The following MYPOP variants were observed in gnomAD, a reference collection of about 807,000 sequenced individuals.
MYPOP encodes myb-related transcription factor, partner of profilin.
In MYPOP, 21 loss-of-function variants were observed where a neutral mutation model predicts 25.7. The observed-to-expected ratio is 0.82, with a 90% confidence interval of 0.58 to 1.18. The LOEUF is 1.18. MYPOP is among the 50% of genes most tolerant of loss of function. The pLI is 0.00. For missense variants in MYPOP, 566 were observed against 588.3 expected, an observed-to-expected ratio of 0.96 and a Z score of 0.39; for synonymous variants, 280 against 247.9, an observed-to-expected ratio of 1.13 and a Z score of -1.22.
chr19:45,893,156 T>G (rs1967149616), intron 2 of MYPOP, among the ~76,000 whole-genome samples: 1 of 152,098 alleles, frequency 6.6e-6, no homozygotes, highest in African/African-American at 2.4e-5. Flanking sequence ...ATGCCTGTAA[T>G]CCCAGCTACT....
intron 2 of MYPOP, among the ~76,000 whole-genome samples, chr19:45,895,716 G>A (rs1967193838): frequency 6.6e-6 from 1 of 152,148 alleles, no homozygotes; most frequent in Admixed American, 6.6e-5. Flanking sequence ...TTGGGTCCCA[G>A]GCCCCAGAGT....
chr19:45,893,787 TA>T (rs917591199), intron 2 of MYPOP, among the ~76,000 whole-genome samples: 1 of 149,238 alleles, frequency 6.7e-6, no homozygotes, highest in Non-Finnish European at 1.5e-5. Context: ...TATTTTATTT[TA>T]CTTTTTTTTT....
chr19:45,900,130 C>T (rs1041956565), intron 2 of MYPOP, among the ~76,000 whole-genome samples: 2 of 152,154 alleles, frequency 1.3e-5, no homozygotes, highest in Non-Finnish European at 2.9e-5. Context: ...CCATGTTCCT[C>T]CCCTTCTCCA....
chr19:45,891,131 G>C lies in MYPOP; in HGVS notation c.692C>G (p.Pro231Arg). ...PPPAPPLPPP[P>R]PLAQVAPSPP... ...TGAGGGTGCCACTTGGGCCAGTGGC[G>C]GTGGGGGTGGCAGTGGAGGGGCTGG... is the stretch of plus-strand genomic sequence containing the variant. Residue 231 changes from proline to arginine, a missense_variant, in exon 3 of 3, where the codon CCG becomes CGG. Coordinates refer to ENST00000322217, the MANE Select transcript of MYPOP (RefSeq NM_001012643.4). 1.4e-6 allele frequency: 2 copies of C among 1,481,220 alleles called. No individual in the cohort carries two copies. Among genetic ancestry groups the C allele is most frequent in the East Asian group, 2.5e-5 (1 of 39,950 alleles). The allele number at this position is 1,481,220 out of a possible 1,614,324, so 91.8% of individuals were successfully genotyped here. A position where few individuals can be genotyped will look rare whatever the true frequency, so the allele number is the denominator to read the frequency against.
At chr19:45,893,568 C>CAAAA (rs35882237) in intron 2 of MYPOP, among the ~76,000 whole-genome samples, 1 of 82,358 alleles carries the variant, frequency 1.2e-5, no homozygotes, top group Non-Finnish European at 2.3e-5. Flanking sequence ...AACTCCGTCT[C>CAAAA]AAAAAAAAAA....
intron 2 of MYPOP, among the ~76,000 whole-genome samples, chr19:45,891,848 A>G (rs1229024030): frequency 3.9e-5 from 6 of 152,160 alleles, no homozygotes; most frequent in Non-Finnish European, 7.4e-5. Context: ...TTTAGTGGAA[A>G]CAGGTCCTGG....
chr19:45,894,370 C>T (rs1967171690), intron 2 of MYPOP, among the ~76,000 whole-genome samples: 1 of 152,018 alleles, frequency 6.6e-6, no homozygotes, highest in Admixed American at 6.6e-5. Context: ...GCCTTGGCCT[C>T]CCAAAGTGCT....
intron 2 of MYPOP, among the ~76,000 whole-genome samples, chr19:45,896,782 C>T (rs1445996449): frequency 6.6e-6 from 1 of 151,680 alleles, no homozygotes; most frequent in Non-Finnish European, 1.5e-5. Context: ...CCCGCCACTG[C>T]GCCCGGCTAA....
intron 2 of MYPOP, among the ~76,000 whole-genome samples, chr19:45,893,385 A>G (rs903548818): frequency 4.0e-5 from 6 of 151,614 alleles, no homozygotes; most frequent in African/African-American, 1.5e-4. Context: ...CCTGACCAAC[A>G]TGGAGAAATC....
At chr19:45,891,357 G>A (rs548147148) in intron 2 of MYPOP, 34 bp from the exon 3 acceptor site, 29 of 1,430,438 alleles carry the variant, frequency 2.0e-5, no homozygotes, top group Middle Eastern at 1.9e-4. Flanking sequence ...AGGGGTGAGC[G>A]ACCCTCGATG....
intron 2 of MYPOP, among the ~76,000 whole-genome samples, chr19:45,893,568 C>CAAAAA (rs35882237): frequency 1.2e-5 from 1 of 82,354 alleles, no homozygotes; most frequent in Non-Finnish European, 2.3e-5. Context: ...AACTCCGTCT[C>CAAAAA]AAAAAAAAAA....
At chr19:45,897,605 G>A (rs916436366) in intron 2 of MYPOP, among the ~76,000 whole-genome samples, 2 of 152,158 alleles carry the variant, frequency 1.3e-5, no homozygotes, top group Non-Finnish European at 2.9e-5. Context: ...GCCCAGGTTG[G>A]AGTGTAGTGG....
intron 2 of MYPOP, among the ~76,000 whole-genome samples, chr19:45,893,001 T>G (rs1967147178): frequency 6.6e-6 from 1 of 152,126 alleles, no homozygotes; most frequent in Non-Finnish European, 1.5e-5. Context: ...TGGCCGCATG[T>G]GGTGGCTCAT....
intron 2 of MYPOP, among the ~76,000 whole-genome samples, chr19:45,894,568 C>T (rs1041963458): frequency 3.3e-5 from 5 of 151,950 alleles, no homozygotes; most frequent in African/African-American, 9.7e-5. Flanking sequence ...GGTGCGACCC[C>T]ACACCAGGAT....
intron 2 of MYPOP, among the ~76,000 whole-genome samples, chr19:45,896,774 C>T (rs1307728774): frequency 1.3e-5 from 2 of 151,466 alleles, no homozygotes; most frequent in East Asian, 1.9e-4. Context: ...TACAGGCGCC[C>T]GCCACTGCGC....
At position 45,901,246 on chromosome 19, in the gene MYPOP, G is replaced by A; in HGVS notation, c.499+29C>T. The A allele has an allele frequency of 7.0e-7, 1 of 1,423,232 alleles. No homozygotes were observed. The highest frequency in any genetic ancestry group is 1.6e-5 in the South Asian group (1 of 64,236). The allele number at this position is 1,423,232 out of a possible 1,614,324, so 88.2% of individuals were successfully genotyped here. ...CATGTAAAAGGCTTGCAACAGCGCAGGCACACAGCCTACTCTGAAGACACT... is the reference window on the plus strand; with the variant it reads ...CATGTAAAAGGCTTGCAACAGCGCAAGCACACAGCCTACTCTGAAGACACT... On this transcript the variant is annotated intron_variant, in intron 2 of 2. Transcript: ENST00000322217. The surrounding 1 kb of genome is among the most constrained non-coding windows in gnomAD (Gnocchi z 5.7).
intron 1 of MYPOP, among the ~76,000 whole-genome samples, chr19:45,902,051 G>GT (rs1232074275): frequency 6.6e-6 from 1 of 151,170 alleles, no homozygotes; most frequent in Non-Finnish European, 1.5e-5. Flanking sequence ...ACGCTGAAGA[G>GT]TTGATAGAAA....
In MYPOP at chr19:45,891,193, C is replaced by T. The variant is rs747448325; in HGVS notation, c.630G>A (p.Pro210=). ...RESPPPSALQ[P]VQLPRLALSP... ...ACAAGGCCAGGCGAGGCAGCTGGAC[C>T]GGCTGCAGGGCCGAAGGGGGTGGTG... is the stretch of plus-strand genomic sequence containing the variant. The change falls in exon 3 of 3, where the codon CCG becomes CCA. Residue 210 remains proline (P), a synonymous_variant. Coordinates refer to ENST00000322217, the MANE Select transcript of MYPOP (RefSeq NM_001012643.4). 2.4e-5 allele frequency: 36 copies of T among 1,528,312 alleles called. No individual in the cohort carries two copies. The highest frequency in any genetic ancestry group is 9.9e-5 in the Admixed American group (5 of 50,392). 94.7% of individuals were successfully genotyped at this position (1,528,312 alleles called of 1,614,324 possible).
chr19:45,890,689 G>C lies in MYPOP; in HGVS notation c.1134C>G (p.Ser378=), dbSNP rs1160975808. The part of the protein sequence containing the change: ...PPPAPLPPHD[S]PPHKRRKGFP... ...AACCTTTTCTCCGCTTGTGTGGGGGGGAGTCGTGCGGAGGGAGCGGGGCTG... is the reference window on the plus strand; with the variant it reads ...AACCTTTTCTCCGCTTGTGTGGGGGCGAGTCGTGCGGAGGGAGCGGGGCTG... The change falls in exon 3 of 3, where the codon TCC becomes TCG. Residue 378 remains serine (S), a synonymous_variant. Coordinates refer to ENST00000322217, the MANE Select transcript of MYPOP (RefSeq NM_001012643.4). 6.2e-7 allele frequency: 1 copy of C among 1,605,576 alleles called. No individual in the cohort carries two copies. Among genetic ancestry groups the C allele is most frequent in the South Asian group, 1.1e-5 (1 of 90,654 alleles).
Sources: gnomAD v4.1 joint callset for allele counts (sites outside exome capture counted in the v4.1 genomes callset) on GRCh38, gnomAD v4.1.1 for gene constraint, Gnocchi (gnomAD v3.1) non-coding constraint, MANE v1.5 for transcripts, NCBI Gene and HGNC (gene_info 2026-07-23, HGNC 2026-07-21) for gene names.